CRB1: variants seen among roughly 807,000 people sequenced by gnomAD.
CRB1 encodes crumbs cell polarity complex component 1.
In CRB1, 83 loss-of-function variants were observed where a neutral mutation model predicts 120.0. That is an observed-to-expected ratio of 0.69 (90% confidence interval 0.58 to 0.83). CRB1 has a LOEUF of 0.83. Ranked by LOEUF, CRB1 falls within the 40% of genes least tolerant of loss-of-function variation. The pLI, the probability that CRB1 is intolerant of heterozygous loss-of-function variation, is 0.00. For synonymous variants in CRB1, 625 were observed against 612.5 expected, an observed-to-expected ratio of 1.02 and a Z score of -0.30; for missense variants, 1,699 against 1,687.6, an observed-to-expected ratio of 1.01 and a Z score of -0.12.
At chr1:197,254,827 C>A in the CRB1 span, among the ~76,000 whole-genome samples, 1 of 152,010 alleles carries the variant, frequency 6.6e-6, no homozygotes, top group African/African-American at 2.4e-5. Flanking sequence ...TCCTATAATT[C>A]TAGAAGTATA....
At chr1:197,251,108 AAG>A in the CRB1 span, among the ~76,000 whole-genome samples, 1 of 152,002 alleles carries the variant, frequency 6.6e-6, no homozygotes, top group African/African-American at 2.4e-5. Flanking sequence ...CACAGTGGCT[AAG>A]AGCATGAACT....
intron 1 of CRB1, among the ~76,000 whole-genome samples, chr1:197,277,867 T>G (rs1237099662): frequency 2.0e-5 from 3 of 151,958 alleles, no homozygotes; most frequent in African/African-American, 7.2e-5. Context: ...TTTTATGATT[T>G]CATGATTATT....
chr1:197,360,069 G>A (rs1180306102), intron 5 of CRB1, among the ~76,000 whole-genome samples: 2 of 151,986 alleles, frequency 1.3e-5, no homozygotes, highest in Non-Finnish European at 2.9e-5. Flanking sequence ...TTTTAATTCA[G>A]TTTCTACATA....
At chr1:197,262,680 C>T in the CRB1 span, among the ~76,000 whole-genome samples, 2 of 152,016 alleles carry the variant, frequency 1.3e-5, no homozygotes, top group East Asian at 1.9e-4. Flanking sequence ...GCCCTTCACC[C>T]CCTTCTTCTT....
chr1:197,421,993 T>C (rs1455720238), intron 6 of CRB1, 37 bp downstream of exon 6: 1 of 1,596,982 alleles, frequency 6.3e-7, no homozygotes, highest in Non-Finnish European at 8.6e-7. Flanking sequence ...AGGAGTGCCA[T>C]GCCTCAGAGC....
At position 197,268,312 on chromosome 1, in the gene CRB1, G is replaced by C; in HGVS notation, c.-101G>C. ...GGTGGGACAGAGATGGCACCTGGGG[G>C]TTCTGAGGCACCCGCTCCTCTCTGA... On this transcript the variant is annotated 5_prime_UTR_variant, in exon 1 of 12. Transcript: ENST00000367400. 1.2e-6 allele frequency: 1 copy of C among 840,614 alleles called. No individual in the cohort carries two copies. The highest frequency in any genetic ancestry group is 2.1e-6 in the Non-Finnish European group (1 of 476,106). The allele number at this position is 840,614 out of a possible 1,614,324, so 52.1% of individuals were successfully genotyped here. A position where few individuals can be genotyped will look rare whatever the true frequency, so the allele number is the denominator to read the frequency against.
At chr1:197,443,938 A>G (rs981124787) in intron 11 of CRB1, 1 of 152,202 alleles carries the variant, frequency 6.6e-6, no homozygotes, top group Non-Finnish European at 1.5e-5. Flanking sequence ...GTTTGATCCT[A>G]TGAATTAATT....
At chr1:197,376,963 A>G (rs1040037940) in intron 5 of CRB1, among the ~76,000 whole-genome samples, 2 of 152,018 alleles carry the variant, frequency 1.3e-5, no homozygotes, top group African/African-American at 4.8e-5. Context: ...GGCCAAACTC[A>G]TTTCTGCCTT....
At chr1:197,216,321 ATATC>A in the CRB1 span, among the ~76,000 whole-genome samples, 344 of 152,318 alleles carry the variant, frequency 2.3e-3, 3 homozygotes, top group African/African-American at 7.9e-3. Context: ...TGGAACCAAA[ATATC>A]TATGAGGACA....
the CRB1 span, among the ~76,000 whole-genome samples, chr1:197,250,775 G>C: frequency 1.3e-5 from 2 of 152,000 alleles, no homozygotes; most frequent in Non-Finnish European, 2.9e-5. Context: ...TCCTAGGACA[G>C]TAGCTTACTG....
chr1:197,469,741 T>C (rs948019003), intron 11 of CRB1, among the ~76,000 whole-genome samples: 4 of 152,192 alleles, frequency 2.6e-5, no homozygotes, highest in Non-Finnish European at 5.9e-5. Context: ...ATAATTCACA[T>C]GTAGCAAATG....
At chr1:197,350,506 A>G (rs1291819503) in intron 4 of CRB1, among the ~76,000 whole-genome samples, 1 of 152,206 alleles carries the variant, frequency 6.6e-6, no homozygotes, top group Non-Finnish European at 1.5e-5. Context: ...CAATTAGTAC[A>G]TGTTCCATTC....
chr1:197,226,433 A>T, the CRB1 span, among the ~76,000 whole-genome samples: 6 of 152,316 alleles, frequency 3.9e-5, no homozygotes, highest in South Asian at 8.3e-4. Flanking sequence ...TTATTAAAAT[A>T]CTTTAGTTTT....
At chr1:197,398,489 ATAG>A (rs1221722327) in intron 5 of CRB1, among the ~76,000 whole-genome samples, 2 of 152,246 alleles carry the variant, frequency 1.3e-5, no homozygotes, top group South Asian at 2.1e-4. Flanking sequence ...GGATATCCAA[ATAG>A]TAGGGCTTTG....
At chr1:197,217,496 G>A in the CRB1 span, among the ~76,000 whole-genome samples, 1 of 152,204 alleles carries the variant, frequency 6.6e-6, no homozygotes, top group Admixed American at 6.5e-5. Context: ...GCCATAAAAA[G>A]GAATAAAATA....
At chr1:197,408,217 G>C (rs1663519261) in intron 5 of CRB1, among the ~76,000 whole-genome samples, 1 of 152,046 alleles carries the variant, frequency 6.6e-6, no homozygotes, top group African/African-American at 2.4e-5. Flanking sequence ...CCAATAGAAG[G>C]CATTTCAATA....
At chr1:197,202,149 T>C in the CRB1 span, among the ~76,000 whole-genome samples, 1 of 151,980 alleles carries the variant, frequency 6.6e-6, no homozygotes, top group Non-Finnish European at 1.5e-5. Context: ...TCCCCCACCC[T>C]CTCGTCCCTC....
chr1:197,273,879 G>A (rs1206293843), intron 1 of CRB1, among the ~76,000 whole-genome samples: 1 of 151,882 alleles, frequency 6.6e-6, no homozygotes, highest in Non-Finnish European at 1.5e-5. Context: ...TCTCCAAGGA[G>A]CTCTGTTTCC....
intron 1 of CRB1, among the ~76,000 whole-genome samples, chr1:197,282,470 G>A (rs897469829): frequency 6.6e-6 from 1 of 151,594 alleles, no homozygotes; most frequent in African/African-American, 2.4e-5. Context: ...TGTGAAGGAA[G>A]CCGTATGTTA....
Sources: gnomAD v4.1 joint callset for allele counts (sites outside exome capture counted in the v4.1 genomes callset) on GRCh38, gnomAD v4.1.1 for gene constraint, MANE v1.5 for transcripts, NCBI Gene and HGNC (gene_info 2026-07-23, HGNC 2026-07-21) for gene names.